Variants in RSRC2 observed in about 807,000 individuals in gnomAD.
RSRC2 encodes the protein arginine/serine-rich coiled-coil protein 2.
In RSRC2, 5 loss-of-function variants were observed where a neutral mutation model predicts 61.3. The ratio of observed to expected loss-of-function variants is 0.08; its 90% CI spans 0.04 to 0.17. The LOEUF (loss-of-function observed/expected upper bound fraction) is 0.17. Among genes scored for constraint, RSRC2 ranks in the 10% least tolerant of loss-of-function variants. The pLI, the probability that RSRC2 is intolerant of heterozygous loss-of-function variation, is 1.00. For missense variants in RSRC2, 381 were observed against 518.8 expected, an observed-to-expected ratio of 0.73 and a Z score of 2.58; for synonymous variants, 202 against 166.5, an observed-to-expected ratio of 1.21 and a Z score of -1.64.
rs2137394357 is a variant in RSRC2, at chr12:122,503,962, G to A, written c.*1565C>T. The stretch of plus-strand genomic sequence containing the variant: ...CTAGGTGTGTTGGTGAGCACCTGTG[G>A]TCCCAGGTACTCAAGAGGCTGAGGT... On this transcript the variant is annotated 3_prime_UTR_variant, in exon 10 of 10. Transcript: ENST00000331738. 1 of 152,036 alleles carries A rather than the reference G, an allele frequency of 6.6e-6. No individual in the cohort carries two copies. The highest frequency in any genetic ancestry group is 2.1e-4 in the South Asian group (1 of 4,820). The allele number at this position is 152,036 out of a possible 1,614,324, so 9.4% of individuals were successfully genotyped here. A position where few individuals can be genotyped will look rare whatever the true frequency, so the allele number is the denominator to read the frequency against.
At chr12:122,524,435 T>C (rs1308476657) in intron 1 of RSRC2, among the ~76,000 whole-genome samples, 4 of 152,222 alleles carry the variant, frequency 2.6e-5, no homozygotes, top group Admixed American at 1.3e-4. Flanking sequence ...AAATCCCATT[T>C]ACTTTTGCAG....
chr12:122,518,264 C>G (rs1002024994), intron 4 of RSRC2, among the ~76,000 whole-genome samples: 1 of 151,534 alleles, frequency 6.6e-6, no homozygotes, highest in Non-Finnish European at 1.5e-5. Context: ...CACACCACTG[C>G]ACTCTAGTTA....
intron 7 of RSRC2, among the ~76,000 whole-genome samples, 186 bp from the exon 8 acceptor site, chr12:122,508,633 G>A (rs557554518): frequency 3.9e-5 from 6 of 152,198 alleles, no homozygotes; most frequent in South Asian, 2.1e-4. Context: ...GTTCATCAAC[G>A]GACATATTTC....
intron 6 of RSRC2, among the ~76,000 whole-genome samples, chr12:122,511,679 C>T (rs375869257): frequency 1.3e-5 from 2 of 152,162 alleles, no homozygotes; most frequent in African/African-American, 4.8e-5. Flanking sequence ...TCAAGCAAAC[C>T]TTGCCATTCT....
At chr12:122,523,220 TA>T (rs1959494425) in intron 1 of RSRC2, 1 of 152,256 alleles carries the variant, frequency 6.6e-6, no homozygotes, top group Admixed American at 6.5e-5. Context: ...CTGTTAAAAC[TA>T]AAGGCACTTA....
At chr12:122,507,526 A>C (rs772253039) in intron 8 of RSRC2, among the ~76,000 whole-genome samples, 13 of 151,598 alleles carry the variant, frequency 8.6e-5, no homozygotes, top group Non-Finnish European at 1.8e-4. Context: ...AGTACCTCAT[A>C]ATCTATGAAA....
intron 8 of RSRC2, chr12:122,507,185 C>G (rs1464029230): frequency 4.6e-6 from 2 of 435,442 alleles, no homozygotes; most frequent in African/African-American, 4.0e-5. Flanking sequence ...CGAGACTAGC[C>G]TGGATGACTA....
At chr12:122,520,908 C>CT (rs1268688203) in intron 3 of RSRC2, 4 of 237,742 alleles carry the variant, frequency 1.7e-5, no homozygotes, top group African/African-American at 9.2e-5. Context: ...TCACTCAAAC[C>CT]TTTATTTCAA....
intron 3 of RSRC2, chr12:122,520,374 A>C (rs1024499086): frequency 1.9e-6 from 1 of 523,722 alleles, no homozygotes; most frequent in African/African-American, 2.0e-5. Flanking sequence ...AAACTTCTAA[A>C]GGTTTTAAAG....
intron 8 of RSRC2, chr12:122,507,279 G>T (rs1334060638): frequency 3.7e-6 from 1 of 268,176 alleles, no homozygotes; most frequent in African/African-American, 2.3e-5. Context: ...GGTCTCAGGA[G>T]TCTGAGGCAG....
At chr12:122,524,458 G>A (rs1959754398) in intron 1 of RSRC2, among the ~76,000 whole-genome samples, 1 of 152,148 alleles carries the variant, frequency 6.6e-6, no homozygotes, top group Non-Finnish European at 1.5e-5. Flanking sequence ...AACAAGACTA[G>A]AATCGAAAAC....
chr12:122,520,734 G>GCC, intron 3 of RSRC2: 2 of 392,258 alleles, frequency 5.1e-6, no homozygotes, highest in Non-Finnish European at 9.7e-6. Context: ...CCCTTACCCA[G>GCC]CCCCCACAAG....
chr12:122,513,910 T>C, intron 6 of RSRC2: 1 of 533,150 alleles, frequency 1.9e-6, no homozygotes, highest in Non-Finnish European at 2.4e-6. Context: ...GGCATGCCTG[T>C]GGTCCCAACT....
At chr12:122,523,104 T>G (rs552221182) in intron 1 of RSRC2, 1 of 152,210 alleles carries the variant, frequency 6.6e-6, no homozygotes, top group Non-Finnish European at 1.5e-5. Flanking sequence ...TGGTCCTCAT[T>G]CTGTTTCTGT....
chr12:122,511,239 T>G (rs751761996), intron 6 of RSRC2, 51 bp from the exon 7 acceptor site: 2 of 1,358,580 alleles, frequency 1.5e-6, no homozygotes, highest in East Asian at 4.7e-5. Context: ...AAAACCATTA[T>G]GTATATATCT....
Position 122,515,169 on chromosome 12 carries a change from G to C in RSRC2, c.661C>G (p.Pro221Ala). ...CTGCCTCTGAAGGGAGGTGGACTTGGAGTCCGGCTTAAACTTCTGCTAAAT... is the reference window on the plus strand; with the variant it reads ...CTGCCTCTGAAGGGAGGTGGACTTGCAGTCCGGCTTAAACTTCTGCTAAAT... ...RRFSRSLSRTPSPPPFRGRNT... is the reference protein window; with the variant it reads ...RRFSRSLSRTASPPPFRGRNT... Residue 221 changes from proline to alanine, a missense_variant, in exon 6 of 10, where the codon CCA becomes GCA. Pro to Ala is a conservative substitution (Grantham distance 27). Around this residue, in one of 4 missense-constraint regions of RSRC2, gnomAD observed 266 missense variants for 270.5 expected, o/e 0.98. Coordinates refer to ENST00000331738, the MANE Select transcript of RSRC2 (RefSeq NM_023012.6). The C allele has an allele frequency of 1.9e-6, 3 of 1,614,066 alleles. No individual in the cohort carries two copies. Among genetic ancestry groups the C allele is most frequent in the Non-Finnish European group, 2.5e-6 (3 of 1,179,940 alleles).
intron 7 of RSRC2, among the ~76,000 whole-genome samples, chr12:122,508,810 G>A (rs1331888323): frequency 6.6e-6 from 1 of 151,844 alleles, no homozygotes; most frequent in African/African-American, 2.4e-5. Flanking sequence ...TACAAAATTA[G>A]CCGGGCGTGG....
chr12:122,523,957 T>C lies in RSRC2; in HGVS notation c.7-1658A>G, dbSNP rs553982167. On this transcript the variant is annotated intron_variant, in intron 1 of 9. Coordinates refer to ENST00000331738, the MANE Select transcript of RSRC2 (RefSeq NM_023012.6). ...AAATTACGTGTTATTCCTCTAACAA[T>C]GGCACAAAAAGAACAGTAAGAAATT... Among the ~76,000 whole-genome samples the C allele has an allele frequency of 2.0e-5, 3 of 152,296 alleles. No homozygotes were observed. The South Asian group carries it at 6.2e-4, about 32-fold the overall frequency.
chr12:122,518,271 G>A (rs1485564410), intron 4 of RSRC2, among the ~76,000 whole-genome samples: 1 of 151,540 alleles, frequency 6.6e-6, no homozygotes, highest in Middle Eastern at 3.4e-3. Flanking sequence ...CTGCACTCTA[G>A]TTAGGGCAAC....
Sources: gnomAD v4.1 joint callset for allele counts (sites outside exome capture counted in the v4.1 genomes callset) on GRCh38, gnomAD v4.1.1 for gene constraint, gnomAD v4.1.1 regional missense constraint, MANE v1.5 for transcripts, NCBI Gene and HGNC (gene_info 2026-07-23, HGNC 2026-07-21) for gene names.